Variants in DLG2 observed in about 807,000 individuals in gnomAD.
DLG2 encodes discs large MAGUK scaffold protein 2.
In DLG2, 45 loss-of-function variants were observed where a neutral mutation model predicts 132.5. That is an observed-to-expected ratio of 0.34 (90% CI 0.27 to 0.44). The LOEUF is 0.44. Ranked by LOEUF, DLG2 falls within the 20% of genes least tolerant of loss-of-function variation. The pLI is 1.00. For synonymous variants in DLG2, 424 were observed against 419.6 expected, an observed-to-expected ratio of 1.01 and a Z score of -0.13; for missense variants, 1,045 against 1,196.9, an observed-to-expected ratio of 0.87 and a Z score of 1.87.
At chr11:84,018,881 T>C (rs1445128536) in intron 11 of DLG2, among the ~76,000 whole-genome samples, 1 of 151,598 alleles carries the variant, frequency 6.6e-6, no homozygotes, top group Admixed American at 6.6e-5. Context: ...AAATAGTGTA[T>C]CCAGGAAAAC....
Position 83,914,659 on chromosome 11 carries a change from T to C in DLG2, c.1496+15669A>G, listed in dbSNP as rs141522056. On this transcript the variant is annotated intron_variant, in intron 15 of 27. Transcript: ENST00000376104. The stretch of plus-strand genomic sequence containing the variant: ...TAAGGAAACTAAGGCATAAAGAGGC[T>C]ACACGGCTAGTGAGTAGAGCCAGGA... Among the ~76,000 whole-genome samples the C allele has an allele frequency of 2.4e-3, 359 of 152,300 alleles. 3 individuals carry two copies. The highest frequency in any genetic ancestry group is 8.3e-3 in the African/African-American group (343 of 41,566).
At chr11:84,131,188 T>G (rs2094406805) in intron 9 of DLG2, among the ~76,000 whole-genome samples, 1 of 151,856 alleles carries the variant, frequency 6.6e-6, no homozygotes, top group African/African-American at 2.4e-5. Context: ...AGGAGGCAGC[T>G]TAGGAAACAT....
intron 11 of DLG2, among the ~76,000 whole-genome samples, chr11:84,030,511 G>A (rs1306513744): frequency 6.6e-6 from 1 of 152,026 alleles, no homozygotes; most frequent in Non-Finnish European, 1.5e-5. Context: ...AGGTGAAGTT[G>A]AAGAAACTAA....
intron 3 of DLG2, among the ~76,000 whole-genome samples, chr11:85,308,105 G>C (rs1183677919): frequency 1.3e-5 from 2 of 150,314 alleles, no homozygotes; most frequent in African/African-American, 5.0e-5. Context: ...AGTGAGCTGA[G>C]ATCATGCCAC....
At chr11:85,435,453 C>T (rs2091426777) in intron 3 of DLG2, among the ~76,000 whole-genome samples, 1 of 152,142 alleles carries the variant, frequency 6.6e-6, no homozygotes, top group Admixed American at 6.6e-5. Context: ...TGATAAGCAA[C>T]TTCAGCAAAG....
chr11:84,098,225 G>T (rs2097193782), intron 10 of DLG2, among the ~76,000 whole-genome samples: 1 of 151,974 alleles, frequency 6.6e-6, no homozygotes, highest in Non-Finnish European at 1.5e-5. Flanking sequence ...TTTTAATAGA[G>T]ATGGGGTTTG....
At chr11:83,473,870 G>A (rs757402924) in intron 22 of DLG2, among the ~76,000 whole-genome samples, 3 of 152,112 alleles carry the variant, frequency 2.0e-5, no homozygotes, top group Non-Finnish European at 4.4e-5. Flanking sequence ...ATGATCGACT[G>A]TTTTGATAAT....
intron 5 of DLG2, among the ~76,000 whole-genome samples, chr11:85,152,865 C>T (rs543488240): frequency 6.6e-6 from 1 of 152,304 alleles, no homozygotes; most frequent in South Asian, 2.1e-4. Flanking sequence ...GTGGTACTTG[C>T]ATGGTATTTA....
chr11:84,474,000 C>T (rs1435606517), intron 7 of DLG2, among the ~76,000 whole-genome samples: 1 of 151,988 alleles, frequency 6.6e-6, no homozygotes, highest in Admixed American at 6.6e-5. Context: ...GTAGTTCATT[C>T]TCCTATTTAT....
chr11:84,950,540 A>G (rs1360329937), intron 6 of DLG2, among the ~76,000 whole-genome samples: 2 of 152,190 alleles, frequency 1.3e-5, no homozygotes, highest in African/African-American at 4.8e-5. Flanking sequence ...ATAAATCTAT[A>G]TACATTCATT....
chr11:84,221,224 G>C (rs189947568), intron 8 of DLG2, among the ~76,000 whole-genome samples: 2 of 152,138 alleles, frequency 1.3e-5, no homozygotes, highest in African/African-American at 4.8e-5. Context: ...CCAGCACTTT[G>C]GGAGGCCAAG....
intron 3 of DLG2, among the ~76,000 whole-genome samples, chr11:85,290,904 G>C (rs745522400): frequency 3.4e-4 from 51 of 152,008 alleles, no homozygotes; most frequent in Non-Finnish European, 5.2e-4. Flanking sequence ...TAATAAATAG[G>C]ACTGGATTTT....
chr11:84,576,993 T>A (rs1370352053), intron 6 of DLG2, among the ~76,000 whole-genome samples: 3 of 152,168 alleles, frequency 2.0e-5, no homozygotes, highest in African/African-American at 7.2e-5. Flanking sequence ...GGTAATTGAA[T>A]CATGGGGCCA....
chr11:85,009,289 T>C (rs2058953032), intron 6 of DLG2, among the ~76,000 whole-genome samples: 1 of 152,054 alleles, frequency 6.6e-6, no homozygotes, highest in Admixed American at 6.5e-5. Flanking sequence ...AAAATAAAAT[T>C]CAGTGATACC....
chr11:85,001,621 T>C (rs1249748204), intron 6 of DLG2, among the ~76,000 whole-genome samples: 1 of 152,154 alleles, frequency 6.6e-6, no homozygotes. Context: ...TACTGATAAA[T>C]GGGAAGAGCA....
chr11:85,406,729 C>A (rs926901054), intron 3 of DLG2, among the ~76,000 whole-genome samples: 2 of 151,680 alleles, frequency 1.3e-5, no homozygotes, highest in Admixed American at 6.6e-5. Flanking sequence ...GTTTTGGGTA[C>A]CAGAAACAGA....
chr11:84,209,989 C>A (rs1438022912), intron 8 of DLG2, among the ~76,000 whole-genome samples: 2 of 152,034 alleles, frequency 1.3e-5, no homozygotes, highest in Admixed American at 1.3e-4. Context: ...GTTATCTACT[C>A]CAAATAAATT....
chr11:85,071,045 T>C (rs1327464481), intron 6 of DLG2, among the ~76,000 whole-genome samples: 4 of 151,862 alleles, frequency 2.6e-5, no homozygotes, highest in African/African-American at 4.8e-5. Context: ...CTGATCTCTC[T>C]ACGCCTCTGT....
intron 7 of DLG2, among the ~76,000 whole-genome samples, chr11:84,413,396 AG>A (rs1429319614): frequency 6.6e-6 from 1 of 152,212 alleles, no homozygotes; most frequent in Non-Finnish European, 1.5e-5. Flanking sequence ...GCATAAACAA[AG>A]GCAGAAGATA....
Sources: allele counts gnomAD v4.1 joint callset (sites outside exome capture counted in the v4.1 genomes callset), GRCh38; gene constraint gnomAD v4.1.1; transcripts MANE v1.5; gene names NCBI Gene and HGNC (gene_info 2026-07-23, HGNC 2026-07-21).